The following SAMTOR variants were observed in gnomAD, a reference collection of about 807,000 sequenced individuals.
The protein encoded by SAMTOR is S-adenosylmethionine sensor upstream of mTORC1.
chr7:112,843,129 G>A, the SAMTOR span, among the ~76,000 whole-genome samples: 1 of 151,908 alleles, frequency 6.6e-6, no homozygotes, highest in South Asian at 2.1e-4. Context: ...ACAACCATGT[G>A]TACCTTCTTC....
At chr7:112,858,271 C>A in the SAMTOR span, among the ~76,000 whole-genome samples, 3 of 151,324 alleles carry the variant, frequency 2.0e-5, no homozygotes, top group Non-Finnish European at 4.4e-5. Context: ...TATAAATTTT[C>A]TCTTAAGGAT....
At chr7:112,841,161 T>C in the SAMTOR span, among the ~76,000 whole-genome samples, 1 of 152,144 alleles carries the variant, frequency 6.6e-6, no homozygotes, top group Non-Finnish European at 1.5e-5. Context: ...GCAGATGACA[T>C]GATTGTATAT....
chr7:112,911,473 GAA>G, the SAMTOR span, among the ~76,000 whole-genome samples: 1 of 151,918 alleles, frequency 6.6e-6, no homozygotes, highest in Non-Finnish European at 1.5e-5. Context: ...TCTCTCTGGA[GAA>G]AAAGGGTATT....
At chr7:112,890,822 C>CTT in the SAMTOR span, among the ~76,000 whole-genome samples, 1 of 151,856 alleles carries the variant, frequency 6.6e-6, no homozygotes, top group Non-Finnish European at 1.5e-5. Context: ...TCCCGAGTAG[C>CTT]TAGGACCACA....
the SAMTOR span, among the ~76,000 whole-genome samples, chr7:112,842,322 A>G: frequency 6.6e-6 from 1 of 151,906 alleles, no homozygotes; most frequent in Non-Finnish European, 1.5e-5. Flanking sequence ...GAAGGAATAG[A>G]TTTACTTCTG....
At chr7:112,832,072 C>T in the SAMTOR span, among the ~76,000 whole-genome samples, 18 of 149,144 alleles carry the variant, frequency 1.2e-4, no homozygotes, top group African/African-American at 3.7e-4. Context: ...AGTGCAGTGG[C>T]GCGATCTCGA....
At chr7:112,822,109 G>A in the SAMTOR span, 22 of 1,613,650 alleles carry the variant, frequency 1.4e-5, no homozygotes, top group South Asian at 6.6e-5. Flanking sequence ...ATAGCATGAC[G>A]GTTCTGATGG....
the SAMTOR span, among the ~76,000 whole-genome samples, chr7:112,855,017 C>T: frequency 6.6e-6 from 1 of 152,074 alleles, no homozygotes. Flanking sequence ...ATGACAGCGG[C>T]CACTGCAGCA....
At chr7:112,845,860 A>G in the SAMTOR span, among the ~76,000 whole-genome samples, 2 of 152,116 alleles carry the variant, frequency 1.3e-5, no homozygotes, top group Non-Finnish European at 2.9e-5. Flanking sequence ...TAGACTGGAT[A>G]AAGAAAATGG....
At chr7:112,888,213 A>T in the SAMTOR span, among the ~76,000 whole-genome samples, 1 of 152,110 alleles carries the variant, frequency 6.6e-6, no homozygotes, top group South Asian at 2.1e-4. Flanking sequence ...GTGATGTTAG[A>T]TCTACAAATA....
At chr7:112,915,449 T>TA in the SAMTOR span, 20 of 1,581,744 alleles carry the variant, frequency 1.3e-5, no homozygotes, top group Non-Finnish European at 1.7e-5. Context: ...AATCTCCCAC[T>TA]AAAAACAAAG....
the SAMTOR span, chr7:112,939,698 G>T: frequency 3.0e-5 from 48 of 1,611,578 alleles, no homozygotes; most frequent in Middle Eastern, 5.2e-4. Context: ...AGTGTTCGGG[G>T]ACCCGGCCCT....
At chr7:112,872,704 G>T in the SAMTOR span, among the ~76,000 whole-genome samples, 1 of 151,808 alleles carries the variant, frequency 6.6e-6, no homozygotes, top group Admixed American at 6.6e-5. Flanking sequence ...TTCACTGATG[G>T]TATGATTCTG....
the SAMTOR span, among the ~76,000 whole-genome samples, chr7:112,851,054 G>A: frequency 1.1e-4 from 17 of 152,206 alleles, no homozygotes; most frequent in East Asian, 1.2e-3. Flanking sequence ...ACAAAACACC[G>A]ATGAAAGAAA....
chr7:112,938,869 TG>T, the SAMTOR span, among the ~76,000 whole-genome samples: 1 of 152,114 alleles, frequency 6.6e-6, no homozygotes, highest in African/African-American at 2.4e-5. Flanking sequence ...AAGCCGAGGG[TG>T]GGCTTTATCG....
chr7:112,842,986 A>T, the SAMTOR span, among the ~76,000 whole-genome samples: 1 of 152,052 alleles, frequency 6.6e-6, no homozygotes, highest in African/African-American at 2.4e-5. Context: ...CACAAGAGGA[A>T]CTACCTGAAA....
At chr7:112,919,764 GA>G in the SAMTOR span, among the ~76,000 whole-genome samples, 1 of 151,596 alleles carries the variant, frequency 6.6e-6, no homozygotes, top group Non-Finnish European at 1.5e-5. Flanking sequence ...TGATAAAGGG[GA>G]TATCACCACC....
At chr7:112,917,854 G>T in the SAMTOR span, among the ~76,000 whole-genome samples, 12 of 152,262 alleles carry the variant, frequency 7.9e-5, no homozygotes, top group South Asian at 2.1e-3. Context: ...ATCAGTGATG[G>T]AAGATGAAAT....
At chr7:112,857,909 G>A in the SAMTOR span, among the ~76,000 whole-genome samples, 1 of 152,128 alleles carries the variant, frequency 6.6e-6, no homozygotes, top group African/African-American at 2.4e-5. Context: ...CAGAGTAGGA[G>A]GTGAGCAAAC....
Sources: allele counts gnomAD v4.1 joint callset (sites outside exome capture counted in the v4.1 genomes callset), GRCh38; gene constraint gnomAD v4.1.1; transcripts MANE v1.5; gene names NCBI Gene and HGNC (gene_info 2026-07-23, HGNC 2026-07-21).